Variants in WDR17 observed in about 807,000 individuals in gnomAD.
WDR17 encodes the protein WD repeat domain 17.
WDR17 carries 143 observed loss-of-function variants against 161.7 expected under a neutral mutation model. That is an observed-to-expected ratio of 0.88 (90% CI 0.77 to 1.02). WDR17 has a LOEUF of 1.02. Ranked by LOEUF, WDR17 falls within the 50% of genes least tolerant of loss-of-function variation. The probability of loss-of-function intolerance (pLI) is 0.00; values close to 1 mark genes in which losing one functional copy is unlikely to be tolerated. For missense variants in WDR17, 1,469 were observed against 1,520.9 expected (o/e 0.97, Z 0.57); for synonymous variants, 517 against 515.6 (o/e 1.00, Z -0.04).
rs1751970036 is a variant in WDR17, at chr4:176,179,801, C to T, written c.*222C>T. The T allele has an allele frequency of 1.9e-5, 4 of 214,448 alleles. No homozygotes were observed. Among genetic ancestry groups the T allele is most frequent in the African/African-American group, 7.0e-5 (3 of 43,138 alleles). 13.3% of individuals were successfully genotyped at this position (214,448 alleles called of 1,614,324 possible). On this transcript the variant is annotated 3_prime_UTR_variant, in exon 29 of 29. Transcript: ENST00000508596. The stretch of plus-strand genomic sequence containing the variant: ...CCTCCTTTATAAACAGTAATAGCTA[C>T]GTTTGGGAAGGAGGAAACATTTAAA...
At chr4:176,068,761 G>A (rs889350231) in intron 1 of WDR17, among the ~76,000 whole-genome samples, 6 of 152,180 alleles carry the variant, frequency 3.9e-5, no homozygotes, top group South Asian at 2.1e-4. Flanking sequence ...AAATAGTATC[G>A]TGATTATTCT....
rs746739275 is a variant in WDR17, at chr4:176,150,089, G to A, written c.2094G>A (p.Val698=). 1.2e-6 allele frequency: 2 copies of A among 1,614,004 alleles called. No individual in the cohort carries two copies. Among genetic ancestry groups the A allele is most frequent in the Admixed American group, 3.3e-5 (2 of 60,012 alleles). ...CTCCTCCTCTACTGTGTGGTAAAGT[G>A]TCAAGAGATATTAGACAGGAAATAG... ...PGTPPLLCGK[V]SRDIRQEIEK... is the part of the protein sequence containing the mutation. The change falls in exon 15 of 29, where the codon GTG becomes GTA. Residue 698 remains valine (V), a synonymous_variant. Coordinates refer to ENST00000508596, the MANE Select transcript of WDR17 (RefSeq NM_181265.4).
chr4:176,078,135 G>A (rs939519078), intron 1 of WDR17, among the ~76,000 whole-genome samples: 1 of 152,008 alleles, frequency 6.6e-6, no homozygotes, highest in Non-Finnish European at 1.5e-5. Context: ...TATTGCTGCA[G>A]AATATTCCAT....
intron 21 of WDR17, among the ~76,000 whole-genome samples, chr4:176,162,451 C>A (rs1420959757): frequency 6.6e-6 from 1 of 152,068 alleles, no homozygotes. Context: ...AGATGAGAAG[C>A]GCCAGTGTAG....
At chr4:176,149,515 C>T (rs1746763404) in intron 13 of WDR17, among the ~76,000 whole-genome samples, 1 of 152,150 alleles carries the variant, frequency 6.6e-6, no homozygotes, top group African/African-American at 2.4e-5. Flanking sequence ...AGGGATCCAC[C>T]CGCCTCAGAC....
At chr4:176,141,764 C>T (rs1214161919) in intron 10 of WDR17, among the ~76,000 whole-genome samples, 1 of 152,106 alleles carries the variant, frequency 6.6e-6, no homozygotes, top group Non-Finnish European at 1.5e-5. Flanking sequence ...AAATTTATTA[C>T]CTTATATTAA....
At chr4:176,166,260 T>C in intron 22 of WDR17, 1 of 332,296 alleles carries the variant, frequency 3.0e-6, no homozygotes. Flanking sequence ...TTCACATTAT[T>C]TTATGGTATG....
At chr4:176,106,667 A>G (rs1304227137) in intron 1 of WDR17, among the ~76,000 whole-genome samples, 1 of 152,146 alleles carries the variant, frequency 6.6e-6, no homozygotes, top group Non-Finnish European at 1.5e-5. Flanking sequence ...CAAAAGAAAA[A>G]CACTGGCCAG....
intron 22 of WDR17, 54 bp from the exon 23 acceptor site, chr4:176,168,618 T>C (rs1462684088): frequency 1.2e-6 from 2 of 1,605,840 alleles, no homozygotes; most frequent in Non-Finnish European, 1.7e-6. Flanking sequence ...TAGTTATGAA[T>C]GTTATTTTTA....
intron 1 of WDR17, among the ~76,000 whole-genome samples, chr4:176,084,788 A>AATATAT (rs966241567): frequency 4.1e-5 from 6 of 146,016 alleles, no homozygotes; most frequent in African/African-American, 1.5e-4. Context: ...ATATATATAA[A>AATATAT]ATATATATAT....
chr4:176,096,515 A>T (rs1432239267), intron 1 of WDR17: 1 of 1,603,688 alleles, frequency 6.2e-7, no homozygotes, highest in African/African-American at 1.3e-5. Context: ...AAGTAGAAAC[A>T]TTCTATGGCT....
chr4:176,112,340 C>T (rs746245193), intron 2 of WDR17, among the ~76,000 whole-genome samples: 4 of 152,180 alleles, frequency 2.6e-5, no homozygotes, highest in African/African-American at 4.8e-5. Flanking sequence ...ATAGTCTCTA[C>T]TTTTAGTTTG....
intron 1 of WDR17, among the ~76,000 whole-genome samples, chr4:176,069,842 C>G (rs72706329): frequency 6.6e-6 from 1 of 152,082 alleles, no homozygotes; most frequent in Non-Finnish European, 1.5e-5. Context: ...ATACAAACAG[C>G]TCCACATGGA....
chr4:176,068,632 G>A (rs1732824198), intron 1 of WDR17, among the ~76,000 whole-genome samples: 1 of 152,098 alleles, frequency 6.6e-6, no homozygotes, highest in Non-Finnish European at 1.5e-5. Context: ...AGAAAAAAAG[G>A]AGGATATTGG....
At chr4:176,099,340 TAAGA>T (rs1413699267) in intron 1 of WDR17, among the ~76,000 whole-genome samples, 1 of 151,996 alleles carries the variant, frequency 6.6e-6, no homozygotes, top group Non-Finnish European at 1.5e-5. Flanking sequence ...ACTGCCAGAG[TAAGA>T]AAATCTGAAC....
intron 22 of WDR17, among the ~76,000 whole-genome samples, chr4:176,164,904 A>G (rs1749545505): frequency 6.6e-6 from 1 of 152,136 alleles, no homozygotes; most frequent in Admixed American, 6.5e-5. Context: ...ATAGTCAATT[A>G]CCTAGGGACT....
At chr4:176,073,561 A>G (rs1223146865) in intron 1 of WDR17, among the ~76,000 whole-genome samples, 1 of 151,578 alleles carries the variant, frequency 6.6e-6, no homozygotes, top group African/African-American at 2.4e-5. Context: ...GCCGCAATAA[A>G]CATACGTGTG....
intron 3 of WDR17, 127 bp downstream of exon 3, chr4:176,116,106 A>G (rs1740584296): frequency 2.1e-6 from 2 of 958,046 alleles, no homozygotes; most frequent in East Asian, 6.0e-5. Context: ...TGTATAAGAA[A>G]TAAATTTCAC....
chr4:176,160,888 T>TTCAACATTTAA (rs1327376181), intron 19 of WDR17, 23 bp from the exon 20 acceptor site: 1 of 1,560,784 alleles, frequency 6.4e-7, no homozygotes, highest in Non-Finnish European at 8.7e-7. Flanking sequence ...TAAAGAATAA[T>TTCAACATTTAA]TCAACATTTA....
Sources: allele counts gnomAD v4.1 joint callset (sites outside exome capture counted in the v4.1 genomes callset), GRCh38; gene constraint gnomAD v4.1.1; transcripts MANE v1.5; gene names NCBI Gene and HGNC (gene_info 2026-07-23, HGNC 2026-07-21).